Variants in NREP observed in about 807,000 individuals in gnomAD.
NREP encodes neuronal regeneration-related protein.
Under a neutral mutation model 8.6 loss-of-function variants are expected in NREP, and 5 were observed. That is an observed-to-expected ratio of 0.58 (90% confidence interval 0.30 to 1.22). The LOEUF (loss-of-function observed/expected upper bound fraction) is 1.22. NREP is among the 50% of genes most tolerant of loss of function. The pLI is 0.07. For missense variants in NREP, 86 were observed against 82.5 expected (o/e 1.04, Z -0.17); for synonymous variants, 27 against 28.0 (o/e 0.96, Z 0.11).
chr5:111,811,092 G>T (rs1279287076), intron 2 of NREP, among the ~76,000 whole-genome samples: 1 of 152,104 alleles, frequency 6.6e-6, no homozygotes, highest in Non-Finnish European at 1.5e-5. Flanking sequence ...CACTTAGCTT[G>T]TGCTCCCAAA....
chr5:111,947,332 GAACTA>G (rs1268331109), intron 2 of NREP, among the ~76,000 whole-genome samples: 7 of 151,874 alleles, frequency 4.6e-5, no homozygotes, highest in African/African-American at 1.7e-4. Context: ...ATTAAGAACT[GAACTA>G]AATTATCTAT....
At chr5:111,762,671 C>A (rs984464478), upstream of NREP, among the ~76,000 whole-genome samples, 5 of 152,132 alleles carry the variant, frequency 3.3e-5, no homozygotes, top group Non-Finnish European at 7.4e-5. Flanking sequence ...AGAAACACAT[C>A]TAACACCAGG....
At chr5:111,893,811 T>TAAC (rs1234271848) in intron 2 of NREP, among the ~76,000 whole-genome samples, 1 of 151,872 alleles carries the variant, frequency 6.6e-6, no homozygotes, top group East Asian at 2.0e-4. Context: ...TACCATCTTG[T>TAAC]AACTGTATGA....
In NREP at chr5:111,772,138, C is replaced by T. The variant is rs555855868; in HGVS notation, c.136-36631G>A. Among the ~76,000 whole-genome samples the T allele has an allele frequency of 2.4e-4, 37 of 152,258 alleles. No individual in the cohort carries two copies. The South Asian group carries it at 7.3e-3, about 30-fold the overall frequency. ...ATTCTAAAATCCTATAACTCTACAG[C>T]TTGAAATGTAATTACTGTGTGAAAA... On this transcript the variant is annotated intron_variant, in intron 2 of 3. Coordinates refer to the NREP transcript ENST00000395634.
intron 2 of NREP, among the ~76,000 whole-genome samples, chr5:111,809,625 C>A (rs1337010528): frequency 6.6e-6 from 1 of 152,124 alleles, no homozygotes; most frequent in Non-Finnish European, 1.5e-5. Context: ...CTCATGTATC[C>A]ACTTCCCCTT....
chr5:111,814,510 T>C (rs924278036), intron 2 of NREP, among the ~76,000 whole-genome samples: 70 of 152,234 alleles, frequency 4.6e-4, no homozygotes, highest in African/African-American at 1.6e-3. Context: ...TCTGCCCCTC[T>C]TTTGAGAAAC....
intron 2 of NREP, among the ~76,000 whole-genome samples, chr5:111,890,063 C>A (rs931414392): frequency 1.3e-5 from 2 of 152,110 alleles, no homozygotes; most frequent in African/African-American, 4.8e-5. Flanking sequence ...TTGCCTCAGG[C>A]CATCTGGATG....
At chr5:111,836,330 C>T (rs898062254) in intron 2 of NREP, among the ~76,000 whole-genome samples, 6 of 151,870 alleles carry the variant, frequency 4.0e-5, no homozygotes, top group Admixed American at 2.6e-4. Context: ...ATCTGAAGAA[C>T]GAGTAGATCT....
chr5:111,914,136 C>G (rs1754987874), intron 2 of NREP, among the ~76,000 whole-genome samples: 1 of 152,100 alleles, frequency 6.6e-6, no homozygotes, highest in African/African-American at 2.4e-5. Context: ...CTGTAAAGAT[C>G]CATCTAAGAA....
At chr5:111,805,958 G>T (rs1244904884) in intron 2 of NREP, among the ~76,000 whole-genome samples, 1 of 151,284 alleles carries the variant, frequency 6.6e-6, no homozygotes, top group Non-Finnish European at 1.5e-5. Flanking sequence ...AAAGTAATGG[G>T]TATGTTAATT....
At chr5:111,754,668 T>C (rs902664271) in intron 2 of NREP, among the ~76,000 whole-genome samples, 1 of 152,236 alleles carries the variant, frequency 6.6e-6, no homozygotes, top group Non-Finnish European at 1.5e-5. Flanking sequence ...AGTTCCTTAA[T>C]TTGATCATTT....
chr5:111,869,595 C>G (rs768156672), intron 2 of NREP, among the ~76,000 whole-genome samples: 2 of 152,094 alleles, frequency 1.3e-5, no homozygotes, highest in Non-Finnish European at 2.9e-5. Flanking sequence ...ATGGCTAACT[C>G]AGGCTCTACT....
intron 2 of NREP, among the ~76,000 whole-genome samples, chr5:111,874,864 G>A (rs1029183635): frequency 2.0e-5 from 3 of 152,136 alleles, no homozygotes; most frequent in African/African-American, 7.2e-5. Context: ...GGCTTGGAAT[G>A]CCAGATCTAA....
chr5:111,848,121 G>T (rs1347369814), intron 2 of NREP, among the ~76,000 whole-genome samples: 1 of 152,174 alleles, frequency 6.6e-6, no homozygotes, highest in Non-Finnish European at 1.5e-5. Context: ...ATACATGTCT[G>T]ATTTATGGTC....
intron 2 of NREP, among the ~76,000 whole-genome samples, chr5:111,947,793 C>G (rs140842572): frequency 6.6e-6 from 1 of 151,948 alleles, no homozygotes; most frequent in Non-Finnish European, 1.5e-5. Flanking sequence ...AGGACATCTT[C>G]GCAAGCAATA....
At chr5:111,914,763 T>C (rs905497852) in intron 2 of NREP, among the ~76,000 whole-genome samples, 3 of 152,100 alleles carry the variant, frequency 2.0e-5, no homozygotes, top group Non-Finnish European at 4.4e-5. Context: ...TTCCACAAAA[T>C]GGAGTTTTTG....
intron 2 of NREP, among the ~76,000 whole-genome samples, chr5:111,864,208 A>G (rs1460863090): frequency 6.6e-6 from 1 of 152,190 alleles, no homozygotes. Flanking sequence ...CTAAACATCC[A>G]TTACTGGGGT....
At chr5:111,786,252 G>A (rs367576349) in intron 2 of NREP, among the ~76,000 whole-genome samples, 3 of 152,202 alleles carry the variant, frequency 2.0e-5, no homozygotes, top group African/African-American at 7.2e-5. Flanking sequence ...GCCTTGTGAA[G>A]AAGGTGCTTG....
intron 2 of NREP, among the ~76,000 whole-genome samples, chr5:111,865,045 AAG>A (rs1434025228): frequency 2.6e-5 from 4 of 152,266 alleles, no homozygotes; most frequent in African/African-American, 4.8e-5. Context: ...GCAGTTTTAA[AAG>A]ACAAGTTAGT....
Sources: gnomAD v4.1 joint callset for allele counts (sites outside exome capture counted in the v4.1 genomes callset) on GRCh38, gnomAD v4.1.1 for gene constraint, MANE v1.5 for transcripts, NCBI Gene and HGNC (gene_info 2026-07-23, HGNC 2026-07-21) for gene names.